The following ACTN4 variants were observed in gnomAD, a reference collection of about 807,000 sequenced individuals.
ACTN4 encodes the protein alpha-actinin-4.
ACTN4 carries 18 observed loss-of-function variants against 114.2 expected under a neutral mutation model. That is an observed-to-expected ratio of 0.16 (90% CI 0.11 to 0.23). The LOEUF (loss-of-function observed/expected upper bound fraction) is 0.23. Among genes scored for constraint, ACTN4 ranks in the 10% least tolerant of loss-of-function variants. ACTN4 has a pLI of 1.00. For missense variants in ACTN4, 722 were observed against 1,262.9 expected, an observed-to-expected ratio of 0.57 and a Z score of 6.49; for synonymous variants, 515 against 506.3, an observed-to-expected ratio of 1.02 and a Z score of -0.23.
At chr19:38,667,706 C>CAAA (rs77347323) in intron 1 of ACTN4, among the ~76,000 whole-genome samples, 6 of 129,404 alleles carry the variant, frequency 4.6e-5, no homozygotes, top group Admixed American at 7.8e-5. Context: ...TTTCTTCCAC[C>CAAA]AAAAAAAAAA....
intron 1 of ACTN4, among the ~76,000 whole-genome samples, chr19:38,657,953 G>C (rs1235741554): frequency 6.6e-6 from 1 of 152,162 alleles, no homozygotes; most frequent in African/African-American, 2.4e-5. Context: ...GTGAGTAAAA[G>C]GTATTTAGTT....
chr19:38,724,459 A>G lies in ACTN4; in HGVS notation c.1904A>G (p.His635Arg), dbSNP rs1375091805. 2 of 1,613,538 alleles carry G rather than the reference A, an allele frequency of 1.2e-6. No individual in the cohort carries two copies. The highest frequency in any genetic ancestry group is 4.5e-5 in the East Asian group (2 of 44,878). Residue 635 changes from histidine to arginine, a missense_variant, in exon 16 of 21, where the codon CAT (histidine) becomes CGT (arginine). Transcript: ENST00000252699. The surrounding 1 kb of genome is among the most constrained non-coding windows in gnomAD (Gnocchi z 7.0). ...CAGCAGCTGGTGCCAAAACGGGACC[A>G]TGCCCTCCTGGAGGAGCAGAGCAAG... ...KVQQLVPKRD[H>R]ALLEEQSKQQ...
intron 1 of ACTN4, among the ~76,000 whole-genome samples, chr19:38,677,529 A>G (rs1039461323): frequency 4.6e-5 from 7 of 152,016 alleles, no homozygotes; most frequent in African/African-American, 1.7e-4. Flanking sequence ...GGGATCACCC[A>G]TGGTCCATCC....
chr19:38,687,841 G>T (rs62121823), intron 1 of ACTN4, among the ~76,000 whole-genome samples: 2 of 152,134 alleles, frequency 1.3e-5, no homozygotes, highest in African/African-American at 4.8e-5. Context: ...AGGACAACCC[G>T]CAGAATATTT....
At chr19:38,673,954 G>A (rs1046295589) in intron 1 of ACTN4, among the ~76,000 whole-genome samples, 3 of 150,666 alleles carry the variant, frequency 2.0e-5, no homozygotes, top group African/African-American at 7.3e-5. Context: ...GCTAATTTTT[G>A]TATTTTTAGT....
At chr19:38,679,562 G>GGTGTGTGT (rs752412184) in intron 1 of ACTN4, among the ~76,000 whole-genome samples, 115 of 96,402 alleles carry the variant, frequency 1.2e-3, no homozygotes, top group African/African-American at 3.5e-3. Flanking sequence ...AATAGATTTG[G>GGTGTGTGT]GTGTGCGTGT....
At chr19:38,700,739 G>T in intron 2 of ACTN4, 25 bp downstream of exon 2, 1 of 1,596,256 alleles carries the variant, frequency 6.3e-7, no homozygotes. Flanking sequence ...CACGCAGTGC[G>T]GCCGAGCCCT....
chr19:38,654,547 G>C (rs1034941184), intron 1 of ACTN4, among the ~76,000 whole-genome samples: 1 of 142,328 alleles, frequency 7.0e-6, no homozygotes, highest in Non-Finnish European at 1.5e-5. Flanking sequence ...GGACGACAGA[G>C]TAAGGCTCCG....
intron 4 of ACTN4, among the ~76,000 whole-genome samples, chr19:38,705,316 A>G (rs1432548657): frequency 6.6e-6 from 1 of 152,210 alleles, no homozygotes; most frequent in East Asian, 1.9e-4. Flanking sequence ...ACAGTCCAGG[A>G]ACCCAAGTCC....
Position 38,730,945 on chromosome 19 carries a change from GTCCC to G in ACTN4, c.*1518_*1521del. 1 of 1,550,580 alleles carries G rather than the reference GTCCC, an allele frequency of 6.4e-7. No individual in the cohort carries two copies. The highest frequency in any genetic ancestry group is 8.7e-7 in the Non-Finnish European group (1 of 1,147,060). On this transcript the variant is annotated 3_prime_UTR_variant, in exon 21 of 21. Transcript: ENST00000252699. The stretch of plus-strand genomic sequence containing the variant: ...CGCAGGACAGAGCCTGAGCCACCCT[GTCCC>G]TCCCACCTGGCTCACCTGTCTGTGG...
intron 19 of ACTN4, 40 bp downstream of exon 19, chr19:38,728,066 GC>G: frequency 6.6e-7 from 1 of 1,506,382 alleles, no homozygotes; most frequent in Non-Finnish European, 9.0e-7. Flanking sequence ...GGCATTAACT[GC>G]TCTCTCTCTC....
At chr19:38,696,760 G>T (rs1003057648) in intron 1 of ACTN4, among the ~76,000 whole-genome samples, 4 of 152,162 alleles carry the variant, frequency 2.6e-5, no homozygotes, top group Admixed American at 2.0e-4. Context: ...GAGTGCATCA[G>T]TGGGGTTCCC....
intron 1 of ACTN4, among the ~76,000 whole-genome samples, chr19:38,652,747 T>C (rs1976602939): frequency 6.6e-6 from 1 of 152,158 alleles, no homozygotes; most frequent in Non-Finnish European, 1.5e-5. Context: ...ATCCAAGTAG[T>C]GCTGGTGCTA....
chr19:38,669,758 G>A (rs564916644), intron 1 of ACTN4, among the ~76,000 whole-genome samples: 71 of 152,250 alleles, frequency 4.7e-4, no homozygotes, highest in Non-Finnish European at 7.5e-4. Context: ...TAACAGTGCC[G>A]GAGCTGACAC....
chr19:38,688,442 G>A lies in ACTN4; in HGVS notation c.163-12158G>A, dbSNP rs8103395. Among the ~76,000 whole-genome samples the A allele has an allele frequency of 4.9e-3, 749 of 151,336 alleles. 11 individuals are homozygous for A. The highest frequency in any genetic ancestry group is 0.017 in the African/African-American group (719 of 41,182). On this transcript the variant is annotated intron_variant, in intron 1 of 20. Coordinates refer to ENST00000252699, the MANE Select transcript of ACTN4 (RefSeq NM_004924.6). Reference sequence around the variant, plus strand: ...AAAAATTAGCTGGACATGGTGGTGGGCGCCTGTTGTCCCAGCTAGTGGGGA... The same window carrying A: ...AAAAATTAGCTGGACATGGTGGTGGACGCCTGTTGTCCCAGCTAGTGGGGA...
In ACTN4 at chr19:38,655,526, T is replaced by G. The variant is rs184428710; in HGVS notation, c.162+7619T>G. Among the ~76,000 whole-genome samples, 18 of 152,288 alleles carry G rather than the reference T, an allele frequency of 1.2e-4. No individual in the cohort carries two copies. In the East Asian group the frequency reaches 3.1e-3, roughly 26 times the overall value. On this transcript the variant is annotated intron_variant, in intron 1 of 20. Coordinates refer to ENST00000252699, the MANE Select transcript of ACTN4 (RefSeq NM_004924.6). The stretch of plus-strand genomic sequence containing the variant: ...TGTCACACTTGGGAAAAAAACTTGA[T>G]CTCATCTGGTCGAGGTGGGCAGGGC...
At chr19:38,668,684 CAAAAAAA>C (rs1425716558) in intron 1 of ACTN4, among the ~76,000 whole-genome samples, 10 of 149,828 alleles carry the variant, frequency 6.7e-5, no homozygotes, top group East Asian at 3.9e-4. Flanking sequence ...GACTCCATCG[CAAAAAAA>C]GAAAAAAGAA....
rs1388506902 is a variant in ACTN4, at chr19:38,723,992, G to A, written c.1607G>A (p.Arg536His). ...IDQLHLEYAK[R>H]AAPFNNWMES... ...CAGCTGCACCTGGAATACGCCAAGC[G>A]CGCGGCCCCCTTCAACAACTGGATG... Residue 536 changes from arginine (R) to histidine (H), a missense_variant, in exon 14 of 21, where the codon CGC becomes CAC. Arg to His is a conservative substitution (Grantham distance 29). This residue lies in a region of ACTN4 where 523 missense variants were observed against 875.9 expected (regional missense o/e 0.60). Coordinates refer to ENST00000252699, the MANE Select transcript of ACTN4 (RefSeq NM_004924.6). 8 of 1,613,526 alleles carry A rather than the reference G, an allele frequency of 5.0e-6. No homozygotes were observed. Among genetic ancestry groups the A allele is most frequent in the East Asian group, 2.2e-5 (1 of 44,882 alleles).
intron 1 of ACTN4, among the ~76,000 whole-genome samples, chr19:38,662,216 A>G (rs571378349): frequency 1.5e-4 from 23 of 152,300 alleles, no homozygotes; most frequent in African/African-American, 5.5e-4. Flanking sequence ...GAGCTTGTCA[A>G]ACGAGTTATG....
Sources: allele counts gnomAD v4.1 joint callset (sites outside exome capture counted in the v4.1 genomes callset), GRCh38; gene constraint gnomAD v4.1.1; regional missense constraint gnomAD v4.1.1; non-coding constraint Gnocchi (gnomAD v3.1); transcripts MANE v1.5; gene names NCBI Gene and HGNC (gene_info 2026-07-23, HGNC 2026-07-21).